EEIG1: variants seen among roughly 807,000 people sequenced by gnomAD.
The protein encoded by EEIG1 is estrogen-induced osteoclastogenesis regulator 1.
chr9:127,965,297 A>T, the EEIG1 span, among the ~76,000 whole-genome samples: 1 of 152,112 alleles, frequency 6.6e-6, no homozygotes, highest in East Asian at 1.9e-4. Flanking sequence ...CCAGTAGCAC[A>T]GCCCCAGGTG....
chr9:127,944,972 A>G, the EEIG1 span: 4 of 1,536,008 alleles, frequency 2.6e-6, no homozygotes, highest in South Asian at 4.7e-5. Flanking sequence ...CGACGACAAT[A>G]ATGCCAGTCA....
At chr9:127,950,810 G>A in the EEIG1 span, 12 of 752,512 alleles carry the variant, frequency 1.6e-5, no homozygotes, top group African/African-American at 1.3e-4. Context: ...GGGCCAGTGC[G>A]CCTGACATGA....
the EEIG1 span, among the ~76,000 whole-genome samples, chr9:127,962,134 A>T: frequency 1.3e-5 from 2 of 152,144 alleles, no homozygotes; most frequent in Admixed American, 1.3e-4. Flanking sequence ...GCCCCATCAG[A>T]CCTGCAGGAA....
chr9:127,964,584 C>T, the EEIG1 span, among the ~76,000 whole-genome samples: 2 of 152,198 alleles, frequency 1.3e-5, no homozygotes, highest in Admixed American at 6.5e-5. Flanking sequence ...AGCAGAAAGT[C>T]AGGAAAAAGG....
At chr9:127,969,270 G>A in the EEIG1 span, among the ~76,000 whole-genome samples, 3 of 152,206 alleles carry the variant, frequency 2.0e-5, no homozygotes, top group Admixed American at 6.5e-5. Flanking sequence ...CTGGGCCCAG[G>A]CAGGGACGGT....
At chr9:127,968,394 T>C in the EEIG1 span, among the ~76,000 whole-genome samples, 2 of 152,150 alleles carry the variant, frequency 1.3e-5, no homozygotes, top group East Asian at 1.9e-4. Flanking sequence ...CTTCTAGGCC[T>C]GGGTCTTAGG....
At chr9:127,973,613 G>A in the EEIG1 span, among the ~76,000 whole-genome samples, 19 of 152,222 alleles carry the variant, frequency 1.2e-4, no homozygotes, top group African/African-American at 4.3e-4. This position sits in a 1 kb window ranked among gnomAD's most constrained non-coding sequence, Gnocchi z 4.2. Flanking sequence ...CCAAGGCCAG[G>A]CACAGTCACG....
the EEIG1 span, chr9:127,944,791 C>T: frequency 2.5e-6 from 4 of 1,611,930 alleles, no homozygotes; most frequent in African/African-American, 2.7e-5. Flanking sequence ...GGTGTTGCTG[C>T]CATCTGTGAA....
the EEIG1 span, among the ~76,000 whole-genome samples, chr9:127,975,652 A>G: frequency 2.0e-5 from 3 of 152,114 alleles, no homozygotes; most frequent in African/African-American, 7.2e-5. Flanking sequence ...TTGGCTGAGA[A>G]AATGCTCTCT....
At chr9:127,956,661 T>C in the EEIG1 span, among the ~76,000 whole-genome samples, 2 of 151,984 alleles carry the variant, frequency 1.3e-5, no homozygotes, top group Non-Finnish European at 2.9e-5. Flanking sequence ...TCTGCCCCCC[T>C]TGGCCTCCCA....
At chr9:127,945,615 G>A in the EEIG1 span, 1 of 1,564,544 alleles carries the variant, frequency 6.4e-7, no homozygotes, top group Non-Finnish European at 8.7e-7. This position sits in a 1 kb window ranked among gnomAD's most constrained non-coding sequence, Gnocchi z 6.5. Flanking sequence ...GAGGAAGGAG[G>A]AGGCCACGGG....
At chr9:127,961,796 G>T in the EEIG1 span, among the ~76,000 whole-genome samples, 2 of 148,600 alleles carry the variant, frequency 1.3e-5, no homozygotes, top group Non-Finnish European at 2.9e-5. Context: ...AGAGCAATCC[G>T]GGCACGAGGA....
the EEIG1 span, among the ~76,000 whole-genome samples, chr9:127,972,367 C>G: frequency 4.5e-3 from 690 of 152,310 alleles, 3 homozygotes; most frequent in African/African-American, 0.015. The surrounding 1 kb of genome is among the most constrained non-coding windows in gnomAD (Gnocchi z 4.3). Context: ...CTGGCCCACA[C>G]AGGAGTGCCA....
chr9:127,947,308 C>T, the EEIG1 span, among the ~76,000 whole-genome samples: 3 of 150,816 alleles, frequency 2.0e-5, no homozygotes, highest in African/African-American at 7.3e-5. Context: ...TGGTGGCGCT[C>T]GCCTGTAGTC....
chr9:127,974,511 A>C, the EEIG1 span, among the ~76,000 whole-genome samples: 1 of 152,184 alleles, frequency 6.6e-6, no homozygotes, highest in Non-Finnish European at 1.5e-5. Context: ...GGCTCCCAGG[A>C]AGGGTCACTT....
At chr9:127,979,853 C>T in the EEIG1 span, 2 of 1,090,972 alleles carry the variant, frequency 1.8e-6, no homozygotes, top group South Asian at 3.4e-5. Flanking sequence ...CCAGTCCTGC[C>T]TTGTGCAACC....
the EEIG1 span, among the ~76,000 whole-genome samples, chr9:127,966,348 C>G: frequency 6.6e-6 from 1 of 151,880 alleles, no homozygotes; most frequent in African/African-American, 2.4e-5. Flanking sequence ...TGGTGCGTAC[C>G]TGTAATCTCA....
chr9:127,962,892 C>T, the EEIG1 span, among the ~76,000 whole-genome samples: 2 of 152,090 alleles, frequency 1.3e-5, no homozygotes, highest in African/African-American at 2.4e-5. Context: ...AATAGGACCA[C>T]GGACCCTCCT....
At chr9:127,944,640 G>A in the EEIG1 span, 2 of 1,612,246 alleles carry the variant, frequency 1.2e-6, no homozygotes, top group Non-Finnish European at 1.7e-6. Flanking sequence ...ATGCCGCTCA[G>A]CGTGGCAGAG....
Sources: allele counts gnomAD v4.1 joint callset (sites outside exome capture counted in the v4.1 genomes callset), GRCh38; gene constraint gnomAD v4.1.1; non-coding constraint Gnocchi (gnomAD v3.1); transcripts MANE v1.5; gene names NCBI Gene and HGNC (gene_info 2026-07-23, HGNC 2026-07-21).